Variants in RHCE observed in about 807,000 individuals in gnomAD.
RHCE encodes Rh blood group CcEe antigens, also known as blood group Rh(CE) polypeptide.
In RHCE, 22 loss-of-function variants were observed where a neutral mutation model predicts 43.8. The ratio of observed to expected loss-of-function variants is 0.50; its 90% CI spans 0.36 to 0.72. The LOEUF (loss-of-function observed/expected upper bound fraction) is 0.72. RHCE is among the 30% of genes least tolerant of loss of function. The pLI is 0.00. For missense variants in RHCE, 385 were observed against 525.4 expected (o/e 0.73, Z 2.61); for synonymous variants, 156 against 210.7 (o/e 0.74, Z 2.25).
rs1202193628 is a variant in RHCE at position 25,406,255 on chromosome 1, G to C, written c.335+2428C>G. On this transcript the variant is annotated intron_variant, in intron 2 of 9. Transcript: ENST00000294413. ...CGGGCGTGCGTGCGTGCGTGCGTGT[G>C]TGTGTGTGTGTGTGTGTGTGTATTG... is the stretch of plus-strand genomic sequence containing the variant. Among the ~76,000 whole-genome samples, 2 of 85,262 alleles carry C rather than the reference G, an allele frequency of 2.3e-5. 1 individual carries two copies. Among genetic ancestry groups the C allele is most frequent in the Non-Finnish European group, 4.1e-5 (2 of 49,326 alleles). 55.9% of individuals were successfully genotyped at this position (85,262 alleles called of 152,430 possible).
At chr1:25,369,286 G>A (rs1346052804) in intron 9 of RHCE, among the ~76,000 whole-genome samples, 2 of 151,540 alleles carry the variant, frequency 1.3e-5, no homozygotes, top group Non-Finnish European at 2.9e-5. Flanking sequence ...GCATTGGCCT[G>A]GGACTCAGAA....
At chr1:25,371,064 A>G (rs1263099165) in intron 8 of RHCE, among the ~76,000 whole-genome samples, 1 of 148,260 alleles carries the variant, frequency 6.7e-6, no homozygotes, top group East Asian at 2.0e-4. Flanking sequence ...CCGATTCTGT[A>G]AACAATTTTT....
intron 3 of RHCE, among the ~76,000 whole-genome samples, chr1:25,394,743 C>T (rs1031685378): frequency 5.3e-5 from 8 of 152,162 alleles, no homozygotes; most frequent in Non-Finnish European, 1.2e-4. Flanking sequence ...AGAGGAAAGT[C>T]TATGCAGTTT....
chr1:25,422,812 C>T (rs1010392850), upstream of RHCE, among the ~76,000 whole-genome samples: 3 of 152,176 alleles, frequency 2.0e-5, no homozygotes, highest in Non-Finnish European at 4.4e-5. Context: ...GGGGATGAAA[C>T]TGTTCCACCT....
rs767571586 is a variant in RHCE at position 25,420,624 on chromosome 1, C to T, written c.148+15G>A. 2.5e-6 allele frequency: 4 copies of T among 1,613,888 alleles called. No homozygotes were observed. Among genetic ancestry groups the T allele is most frequent in the South Asian group, 2.2e-5 (2 of 91,058 alleles). ...GCTATTTGCTCCTGTGACCACTGTT[C>T]CAATGAACTCTCACCTTGATAGGAT... On this transcript the variant is annotated intron_variant, in intron 1 of 9. Coordinates refer to ENST00000294413, the MANE Select transcript of RHCE (RefSeq NM_020485.8).
At chr1:25,391,128 T>C (rs1220069003) in intron 4 of RHCE, among the ~76,000 whole-genome samples, 1 of 152,118 alleles carries the variant, frequency 6.6e-6, no homozygotes, top group African/African-American at 2.4e-5. Context: ...AGGGTTGAAA[T>C]CTGCATACCC....
chr1:25,386,465 G>A (rs1456074225), intron 6 of RHCE, among the ~76,000 whole-genome samples: 3 of 152,210 alleles, frequency 2.0e-5, no homozygotes, highest in African/African-American at 7.2e-5. Flanking sequence ...GCCAGCAGAT[G>A]TGGACACATA....
chr1:25,392,513 G>A (rs1334068406), intron 3 of RHCE, among the ~76,000 whole-genome samples: 2 of 151,170 alleles, frequency 1.3e-5, no homozygotes, highest in Admixed American at 6.6e-5. Flanking sequence ...CACCCGCCTC[G>A]GCCTCCCAAA....
rs545996015 is a variant in RHCE, at chr1:25,409,353, G to A, written c.149-484C>T. Among the ~76,000 whole-genome samples, 14 of 124,048 alleles carry A rather than the reference G, an allele frequency of 1.1e-4. 5 individuals carry two copies. Among genetic ancestry groups the A allele is most frequent in the Admixed American group, 8.6e-4 (10 of 11,654 alleles). 81.4% of individuals were successfully genotyped at this position (124,048 alleles called of 152,430 possible). On this transcript the variant is annotated intron_variant, in intron 1 of 9. Transcript: ENST00000294413. ...AAAAGAGAGGGCAGAGATAGGCCCA[G>A]TGCTCTTGTTGTTGGGAACCACATA...
intron 8 of RHCE, among the ~76,000 whole-genome samples, chr1:25,371,516 G>T (rs1187552928): frequency 4.0e-5 from 6 of 151,452 alleles, no homozygotes; most frequent in Non-Finnish European, 7.4e-5. Context: ...GACCACAAGT[G>T]TGTGCTACCA....
intron 3 of RHCE, among the ~76,000 whole-genome samples, chr1:25,399,989 A>C (rs1418111362): frequency 6.6e-6 from 1 of 152,176 alleles, no homozygotes; most frequent in African/African-American, 2.4e-5. Context: ...TTTAAATAAA[A>C]TGTTGTATAA....
chr1:25,409,967 G>A (rs1159587262), intron 1 of RHCE, among the ~76,000 whole-genome samples: 1 of 151,952 alleles, frequency 6.6e-6, no homozygotes, highest in Non-Finnish European at 1.5e-5. Flanking sequence ...CGAGATCTTG[G>A]CTCACTGCAA....
chr1:25,420,516 T>C, intron 1 of RHCE, 123 bp downstream of exon 1: 17 of 1,592,790 alleles, frequency 1.1e-5, no homozygotes, highest in Non-Finnish European at 1.2e-5. Context: ...CGGAAGAAGA[T>C]GGGGGAATCT....
rs144488648 is a variant in RHCE at position 25,378,277 on chromosome 1, T to G, written c.1074-2849A>C. On this transcript the variant is annotated intron_variant, in intron 7 of 9. Transcript: ENST00000294413. Reference sequence around the variant, plus strand: ...GCAGTAGCCACTAAGGCTGACTGTGTGAATACTGTATAACTCAACAATTTC... The same window carrying G: ...GCAGTAGCCACTAAGGCTGACTGTGGGAATACTGTATAACTCAACAATTTC... 2.1e-4 allele frequency among the ~76,000 whole-genome samples: 32 copies of G among 152,348 alleles called. No individual in the cohort carries two copies. In the East Asian group the frequency reaches 6.2e-3, roughly 29 times the overall value.
At chr1:25,404,575 CCGG>C (rs534530711) in intron 2 of RHCE, among the ~76,000 whole-genome samples, 3,502 of 149,228 alleles carry the variant, frequency 0.023, 73 homozygotes, top group Non-Finnish European at 0.034. Flanking sequence ...AGCGTGTGTG[CCGG>C]CGGCGGTATT....
Position 25,402,751 on chromosome 1 carries a change from G to A in RHCE, c.336-5C>T, listed in dbSNP as rs776617226. 1 of 1,614,160 alleles carries A rather than the reference G, an allele frequency of 6.2e-7. No homozygotes were observed. Among genetic ancestry groups the A allele is most frequent in the Admixed American group, 1.7e-5 (1 of 60,018 alleles). On this transcript the variant is annotated splice_polypyrimidine_tract_variant and splice_region_variant and intron_variant, in intron 2 of 9. Transcript: ENST00000294413. ...CTCATGGTGGCCAGCCGAATACTGG[G>A]GGTGAGAAGGAGAGCCAGGATGACT...
chr1:25,403,343 G>A (rs1297136446), intron 2 of RHCE, among the ~76,000 whole-genome samples: 6 of 151,628 alleles, frequency 4.0e-5, no homozygotes, highest in Non-Finnish European at 8.8e-5. Flanking sequence ...ATGATCAAAC[G>A]TATCCCATGT....
intron 1 of RHCE, chr1:25,411,191 C>G: frequency 1.3e-6 from 1 of 796,760 alleles, no homozygotes; most frequent in Non-Finnish European, 1.8e-6. Flanking sequence ...TCCTTATCAA[C>G]AGAATAAGGG....
chr1:25,386,682 C>T (rs1295073596), intron 6 of RHCE, among the ~76,000 whole-genome samples: 4 of 152,116 alleles, frequency 2.6e-5, no homozygotes, highest in South Asian at 2.1e-4. Flanking sequence ...ATTAGCTGGG[C>T]GTGGTGGAGG....
Sources: allele counts gnomAD v4.1 joint callset (sites outside exome capture counted in the v4.1 genomes callset), GRCh38; gene constraint gnomAD v4.1.1; transcripts MANE v1.5; gene names NCBI Gene and HGNC (gene_info 2026-07-23, HGNC 2026-07-21).